GRIK2: variants seen among roughly 807,000 people sequenced by gnomAD.
The protein encoded by GRIK2 is glutamate ionotropic receptor kainate type subunit 2.
GRIK2 carries 32 observed loss-of-function variants against 100.3 expected under a neutral mutation model. That is an observed-to-expected ratio of 0.32 (90% CI 0.24 to 0.43). The LOEUF (loss-of-function observed/expected upper bound fraction) is 0.43. Ranked by LOEUF, GRIK2 falls within the 20% of genes least tolerant of loss-of-function variation. The probability of loss-of-function intolerance (pLI) is 1.00; values close to 1 mark genes in which losing one functional copy is unlikely to be tolerated. For missense variants in GRIK2, 843 were observed against 1,114.9 expected, an observed-to-expected ratio of 0.76 and a Z score of 3.47; for synonymous variants, 417 against 389.4, an observed-to-expected ratio of 1.07 and a Z score of -0.83.
intron 11 of GRIK2, among the ~76,000 whole-genome samples, chr6:101,881,978 G>A (rs1397122609): frequency 6.6e-6 from 1 of 152,118 alleles, no homozygotes; most frequent in African/African-American, 2.4e-5. Context: ...CCATGTGGCT[G>A]GGGAGGCCTC....
At chr6:101,901,430 A>C (rs182975883) in intron 12 of GRIK2, among the ~76,000 whole-genome samples, 18 of 152,068 alleles carry the variant, frequency 1.2e-4, no homozygotes, top group African/African-American at 4.3e-4. Context: ...ATTCATGGCA[A>C]ACAATATTAT....
intron 7 of GRIK2, among the ~76,000 whole-genome samples, chr6:101,734,931 G>A (rs965041145): frequency 6.6e-6 from 1 of 152,146 alleles, no homozygotes; most frequent in African/African-American, 2.4e-5. Context: ...GATCCAGCTT[G>A]TCTTCATTGA....
chr6:101,717,888 C>G (rs1774180095), intron 7 of GRIK2, among the ~76,000 whole-genome samples: 1 of 151,648 alleles, frequency 6.6e-6, no homozygotes, highest in Non-Finnish European at 1.5e-5. Flanking sequence ...AGCCTTTAGT[C>G]TTTATTAAAT....
At chr6:102,015,107 A>T (rs1407564279) in intron 14 of GRIK2, among the ~76,000 whole-genome samples, 4 of 152,152 alleles carry the variant, frequency 2.6e-5, no homozygotes, top group African/African-American at 7.2e-5. Flanking sequence ...AACTTGATTT[A>T]GGAATCTGGG....
chr6:101,555,021 CT>C (rs1367205508), intron 2 of GRIK2, among the ~76,000 whole-genome samples: 1 of 152,038 alleles, frequency 6.6e-6, no homozygotes, highest in Admixed American at 6.6e-5. Context: ...TCCTGATTAA[CT>C]TTTATATTGA....
At chr6:101,887,709 C>T (rs905350934) in intron 11 of GRIK2, among the ~76,000 whole-genome samples, 7 of 152,014 alleles carry the variant, frequency 4.6e-5, no homozygotes, top group Non-Finnish European at 8.8e-5. Context: ...ACCCTCCTCA[C>T]GTGGCAGAGC....
At chr6:101,431,932 T>C (rs73502647) in intron 2 of GRIK2, among the ~76,000 whole-genome samples, 6,450 of 152,274 alleles carry the variant, frequency 0.042, 273 homozygotes, top group South Asian at 0.1. Context: ...CTCCATGAGA[T>C]GTGTTCCCAA....
In GRIK2 at chr6:101,794,624, A is replaced by G. The variant is rs543136539; in HGVS notation, c.952-5024A>G. Among the ~76,000 whole-genome samples, 6 of 147,498 alleles carry G rather than the reference A, an allele frequency of 4.1e-5. No individual in the cohort carries two copies. The South Asian group carries it at 8.6e-4, about 21-fold the overall frequency. On this transcript the variant is annotated intron_variant, in intron 7 of 16. Transcript: ENST00000369134. ...TCTCTTTATGGAACTTTTCATTAAT[A>G]TCCTGATTTTTTTTTCTTTGTATTG...
intron 10 of GRIK2, among the ~76,000 whole-genome samples, chr6:101,834,353 G>A (rs1025667792): frequency 1.3e-5 from 2 of 151,692 alleles, no homozygotes; most frequent in Admixed American, 6.6e-5. Context: ...TATTTTTTCA[G>A]CATTTTCTTA....
chr6:101,755,405 G>A (rs1197238288), intron 7 of GRIK2, among the ~76,000 whole-genome samples: 1 of 152,044 alleles, frequency 6.6e-6, no homozygotes, highest in African/African-American at 2.4e-5. Flanking sequence ...CTGACCTTGT[G>A]ATCCGCCTGC....
At chr6:101,875,945 T>C (rs934657257) in intron 11 of GRIK2, among the ~76,000 whole-genome samples, 2 of 151,884 alleles carry the variant, frequency 1.3e-5, no homozygotes, top group East Asian at 1.9e-4. Flanking sequence ...TTTCTTCTTA[T>C]AGACAGTCTT....
At chr6:101,634,525 T>C (rs1030273214) in intron 4 of GRIK2, among the ~76,000 whole-genome samples, 1 of 152,110 alleles carries the variant, frequency 6.6e-6, no homozygotes, top group East Asian at 1.9e-4. Flanking sequence ...AATGCTTCCA[T>C]TGGCATTTTG....
chr6:102,036,920 T>C (rs1770301683), intron 15 of GRIK2, among the ~76,000 whole-genome samples: 1 of 151,468 alleles, frequency 6.6e-6, no homozygotes, highest in Non-Finnish European at 1.5e-5. Context: ...ATCACAGTAA[T>C]ATCTAATAAT....
chr6:101,982,161 CAAAT>C (rs1793748239), intron 14 of GRIK2, among the ~76,000 whole-genome samples: 1 of 151,806 alleles, frequency 6.6e-6, no homozygotes, highest in African/African-American at 2.4e-5. Flanking sequence ...CAAACTTCAG[CAAAT>C]AGAATTGGTG....
chr6:101,444,886 G>C (rs1770282622), intron 2 of GRIK2, among the ~76,000 whole-genome samples: 1 of 151,970 alleles, frequency 6.6e-6, no homozygotes, highest in African/African-American at 2.4e-5. Context: ...AGGCCCCTGG[G>C]GCCAGTCCAC....
At chr6:101,771,502 ATTTTG>A (rs1048456646) in intron 7 of GRIK2, among the ~76,000 whole-genome samples, 4 of 149,924 alleles carry the variant, frequency 2.7e-5, no homozygotes, top group African/African-American at 9.9e-5. Flanking sequence ...TTGAATTTTT[ATTTTG>A]TTTTATTTTA....
intron 2 of GRIK2, among the ~76,000 whole-genome samples, chr6:101,606,343 G>T (rs1437191809): frequency 6.6e-6 from 1 of 151,934 alleles, no homozygotes; most frequent in East Asian, 1.9e-4. Context: ...GATTAGATTG[G>T]CAAGGGTCTT....
intron 14 of GRIK2, among the ~76,000 whole-genome samples, chr6:102,012,861 G>T (rs1795622262): frequency 6.6e-6 from 1 of 152,116 alleles, no homozygotes; most frequent in African/African-American, 2.4e-5. Flanking sequence ...TTTGAAGTCA[G>T]TAATGTAATA....
chr6:101,688,260 T>G (rs1197362230), intron 7 of GRIK2, among the ~76,000 whole-genome samples: 1 of 151,606 alleles, frequency 6.6e-6, no homozygotes, highest in African/African-American at 2.4e-5. Context: ...TTTTACACTT[T>G]TATATATTTA....
Sources: gnomAD v4.1 joint callset for allele counts (sites outside exome capture counted in the v4.1 genomes callset) on GRCh38, gnomAD v4.1.1 for gene constraint, MANE v1.5 for transcripts, NCBI Gene and HGNC (gene_info 2026-07-23, HGNC 2026-07-21) for gene names.